The following THSD7B variants were observed in gnomAD, a reference collection of about 807,000 sequenced individuals.
THSD7B encodes thrombospondin type-1 domain-containing protein 7B.
THSD7B carries 138 observed loss-of-function variants against 213.6 expected under a neutral mutation model. That is an observed-to-expected ratio of 0.65 (90% CI 0.56 to 0.74). THSD7B has a LOEUF of 0.74. Ranked by LOEUF, THSD7B falls within the 30% of genes least tolerant of loss-of-function variation. THSD7B has a pLI of 0.00. For missense variants in THSD7B, 1,931 were observed against 1,991.5 expected (o/e 0.97, Z 0.58); for synonymous variants, 742 against 687.0 (o/e 1.08, Z -1.25).
chr2:136,926,232 C>G (rs1408590960), intron 2 of THSD7B, among the ~76,000 whole-genome samples: 1 of 152,108 alleles, frequency 6.6e-6, no homozygotes, highest in African/African-American at 2.4e-5. Context: ...CCCCTGGATT[C>G]TCCATCCTGT....
Position 137,374,877 on chromosome 2 carries a change from G to C in THSD7B, c.2501-30736G>C, listed in dbSNP as rs147210760. Among the ~76,000 whole-genome samples, 121 of 152,252 alleles carry C rather than the reference G, an allele frequency of 7.9e-4. 1 individual carries two copies. Among genetic ancestry groups the C allele is most frequent in the African/African-American group, 2.8e-3 (117 of 41,552 alleles). ...ACTTGAGTTTCCATGAGCCTAGCGA[G>C]TGGGTCATGCAGCTATCACAGGTAA... On this transcript the variant is annotated intron_variant, in intron 12 of 27. Transcript: ENST00000409968.
At chr2:137,098,988 C>T (rs1241221824) in intron 4 of THSD7B, among the ~76,000 whole-genome samples, 4 of 152,114 alleles carry the variant, frequency 2.6e-5, no homozygotes, top group East Asian at 3.8e-4. Flanking sequence ...AAGTTTGTTT[C>T]GAAGTTGTAG....
At chr2:137,287,613 T>G (rs936787401) in intron 12 of THSD7B, among the ~76,000 whole-genome samples, 1 of 152,112 alleles carries the variant, frequency 6.6e-6, no homozygotes, top group Non-Finnish European at 1.5e-5. Flanking sequence ...TAACACAGTA[T>G]GAACTAACTG....
intron 1 of THSD7B, among the ~76,000 whole-genome samples, chr2:136,877,968 T>C (rs367641067): frequency 1.2e-4 from 19 of 152,004 alleles, no homozygotes; most frequent in African/African-American, 4.6e-4. Context: ...ATGTGCACAA[T>C]GTGCAGGTTT....
chr2:137,313,788 A>T (rs1683995560), intron 12 of THSD7B, among the ~76,000 whole-genome samples: 1 of 152,124 alleles, frequency 6.6e-6, no homozygotes, highest in Admixed American at 6.5e-5. Flanking sequence ...CTGTATATGA[A>T]ATTCTGGGTT....
intron 2 of THSD7B, among the ~76,000 whole-genome samples, chr2:136,908,257 G>T (rs1304046242): frequency 2.6e-5 from 4 of 152,094 alleles, no homozygotes; most frequent in African/African-American, 4.8e-5. Context: ...ACATAATGTG[G>T]TAGAAATAGC....
At chr2:137,178,447 T>C (rs1330598164) in intron 7 of THSD7B, among the ~76,000 whole-genome samples, 6 of 152,218 alleles carry the variant, frequency 3.9e-5, no homozygotes, top group Admixed American at 3.9e-4. Flanking sequence ...AACCTGACAT[T>C]GCAGTTGGAA....
intron 2 of THSD7B, among the ~76,000 whole-genome samples, chr2:136,884,399 T>G (rs901681433): frequency 1.3e-5 from 2 of 152,092 alleles, no homozygotes; most frequent in African/African-American, 4.8e-5. Flanking sequence ...TTTAAAGGGA[T>G]ACAGCCAACC....
intron 20 of THSD7B, among the ~76,000 whole-genome samples, chr2:137,622,113 G>A (rs201472841): frequency 7.2e-5 from 11 of 152,126 alleles, no homozygotes; most frequent in African/African-American, 2.7e-4. Flanking sequence ...AGACCTCATC[G>A]TCCAAGACCA....
At chr2:137,644,093 A>G (rs1213204887) in intron 21 of THSD7B, among the ~76,000 whole-genome samples, 1 of 152,124 alleles carries the variant, frequency 6.6e-6, no homozygotes, top group East Asian at 1.9e-4. Flanking sequence ...GTGGAGGGTT[A>G]TGGCATCTAT....
At chr2:136,844,024 C>G (rs1445893058) in intron 1 of THSD7B, among the ~76,000 whole-genome samples, 1 of 152,160 alleles carries the variant, frequency 6.6e-6, no homozygotes, top group Non-Finnish European at 1.5e-5. Context: ...CCAGAGGCCT[C>G]TCTCAGACTG....
rs72989746 is a variant in THSD7B, at chr2:137,167,846, C to T, written c.1526-2895C>T. Among the ~76,000 whole-genome samples the T allele has an allele frequency of 2.6e-3, 390 of 152,306 alleles. 4 individuals are homozygous for T. Among genetic ancestry groups the T allele is most frequent in the African/African-American group, 9.1e-3 (378 of 41,566 alleles). On this transcript the variant is annotated intron_variant, in intron 6 of 27. Coordinates refer to ENST00000409968, the MANE Select transcript of THSD7B (RefSeq NM_001316349.2). The stretch of plus-strand genomic sequence containing the variant: ...CTGTCCAATCTACTCACCTTTAGTA[C>T]CTTCAACTAAACCACGGTGCCTTTC...
intron 2 of THSD7B, among the ~76,000 whole-genome samples, chr2:137,009,390 A>G (rs1030148253): frequency 2.6e-5 from 4 of 152,124 alleles, no homozygotes; most frequent in Non-Finnish European, 5.9e-5. Flanking sequence ...TGTTTCATGC[A>G]TTATAGTATG....
At chr2:136,832,463 G>C (rs749394555) in intron 1 of THSD7B, among the ~76,000 whole-genome samples, 2 of 152,082 alleles carry the variant, frequency 1.3e-5, no homozygotes, top group Non-Finnish European at 2.9e-5. Flanking sequence ...TTCTATTCAA[G>C]ACCTAATGGT....
intron 15 of THSD7B, among the ~76,000 whole-genome samples, chr2:137,523,286 A>G (rs1275059756): frequency 1.3e-5 from 2 of 152,138 alleles, no homozygotes; most frequent in East Asian, 1.9e-4. Flanking sequence ...CTATTTCTCC[A>G]TGCAATTTTC....
chr2:137,095,194 A>G (rs1027002052), intron 4 of THSD7B, 73 bp downstream of exon 4: 21 of 1,559,862 alleles, frequency 1.3e-5, no homozygotes, highest in Non-Finnish European at 1.7e-5. Context: ...AACAGTAATG[A>G]AAGTAGCTGT....
chr2:137,231,233 A>G lies in THSD7B; in HGVS notation c.1913A>G (p.Glu638Gly), dbSNP rs747893356. The G allele has an allele frequency of 3.0e-5, 48 of 1,603,392 alleles. 1 individual carries two copies. In the South Asian group the frequency reaches 4.4e-4, roughly 15 times the overall value. ...AGAACTATCCTGGCACTGGCTGGGG[A>G]AGGTGAGTAACAGAAAAGGTTTTCA... ...RSRTILALAG[E>G]GGKPCPPSQA... The change falls in exon 8 of 28, where the codon GAA (glutamate) becomes GGA (glycine). Residue 638 changes from glutamate to glycine, a missense_variant and splice_region_variant. By Grantham distance (98) the Glu-to-Gly change is moderately conservative. Coordinates refer to ENST00000409968, the MANE Select transcript of THSD7B (RefSeq NM_001316349.2).
At chr2:137,607,489 C>T (rs146897888) in intron 17 of THSD7B, among the ~76,000 whole-genome samples, 1 of 152,238 alleles carries the variant, frequency 6.6e-6, no homozygotes, top group African/African-American at 2.4e-5. Flanking sequence ...ACTTCAGCCT[C>T]AGTGCAATAC....
intron 15 of THSD7B, among the ~76,000 whole-genome samples, chr2:137,471,086 A>C (rs1183722991): frequency 3.3e-5 from 5 of 151,508 alleles, no homozygotes; most frequent in African/African-American, 4.9e-5. Flanking sequence ...CGCCTGGCTA[A>C]TGTTTTATAT....
Sources: allele counts gnomAD v4.1 joint callset (sites outside exome capture counted in the v4.1 genomes callset), GRCh38; gene constraint gnomAD v4.1.1; transcripts MANE v1.5; gene names NCBI Gene and HGNC (gene_info 2026-07-23, HGNC 2026-07-21).